The following STK32C variants were observed in gnomAD, a reference collection of about 807,000 sequenced individuals.
STK32C encodes the protein serine/threonine-protein kinase 32C.
A neutral mutation model predicts 56.5 loss-of-function variants in STK32C; 31 were observed. The observed-to-expected ratio is 0.55, with a 90% CI of 0.41 to 0.74. STK32C has a LOEUF of 0.74. Ranked by LOEUF, STK32C falls within the 30% of genes least tolerant of loss-of-function variation. The pLI is 0.00. For synonymous variants in STK32C, 309 were observed against 289.4 expected (o/e 1.07, Z -0.69); for missense variants, 544 against 676.9 (o/e 0.80, Z 2.18).
chr10:132,242,013 G>A (rs1426349484), intron 2 of STK32C, among the ~76,000 whole-genome samples: 1 of 152,094 alleles, frequency 6.6e-6, no homozygotes, highest in Non-Finnish European at 1.5e-5. Context: ...AGGAGGCTGA[G>A]GAATGAGAAT....
chr10:132,271,643 G>A (rs372101167), intron 1 of STK32C, among the ~76,000 whole-genome samples: 14 of 152,202 alleles, frequency 9.2e-5, no homozygotes, highest in African/African-American at 2.4e-4. Context: ...CTGCAACCAC[G>A]GATCCAGCCC....
chr10:132,250,665 C>T (rs894674570), intron 1 of STK32C, among the ~76,000 whole-genome samples: 1 of 147,042 alleles, frequency 6.8e-6, no homozygotes, highest in East Asian at 2.1e-4. Flanking sequence ...AGAGGGGCCC[C>T]GCCCCGAGTG....
chr10:132,287,653 A>T (rs545185179), intron 1 of STK32C, among the ~76,000 whole-genome samples: 2 of 151,566 alleles, frequency 1.3e-5, no homozygotes. Context: ...GGGTTTCACC[A>T]TGTTGGCCAG....
At chr10:132,289,251 G>T (rs1299348083) in intron 1 of STK32C, among the ~76,000 whole-genome samples, 1 of 152,150 alleles carries the variant, frequency 6.6e-6, no homozygotes, top group Non-Finnish European at 1.5e-5. Context: ...ATTTCACACT[G>T]TGCACAAAAA....
chr10:132,245,817 G>A, intron 2 of STK32C, 83 bp downstream of exon 2: 1 of 1,392,260 alleles, frequency 7.2e-7, no homozygotes, highest in South Asian at 1.2e-5. Flanking sequence ...ATGGGAGTAG[G>A]TGGGCTCAGG....
rs1037227178 is a variant in STK32C, at chr10:132,307,739, G to A, written c.95C>T (p.Pro32Leu). 9.0e-7 allele frequency: 1 copy of A among 1,116,728 alleles called. No homozygotes were observed. The highest frequency in any genetic ancestry group is 1.6e-5 in the African/African-American group (1 of 60,700). 69.2% of individuals were successfully genotyped at this position (1,116,728 alleles called of 1,614,324 possible). Residue 32 changes from proline to leucine, a missense_variant, in exon 1 of 12, where the codon CCC (proline) becomes CTC (leucine). Transcript: ENST00000298630. The surrounding 1 kb of genome is among the most constrained non-coding windows in gnomAD (Gnocchi z 4.4). ...AGCAGCGGGCGGCGGCAGGGCCGAGGGCGCGTCGGAGCCGGCGGGGCGCGC... is the reference window on the plus strand; with the variant it reads ...AGCAGCGGGCGGCGGCAGGGCCGAGAGCGCGTCGGAGCCGGCGGGGCGCGC... Reference protein sequence around the residue: ...GRARPAGSDAPSALPPPAAGQ... With the variant: ...GRARPAGSDALSALPPPAAGQ...
At position 132,249,212 on chromosome 10, in the gene STK32C, G is replaced by C. The variant is rs2063808033; in HGVS notation, c.263-3257C>G. The C allele has an allele frequency of 3.6e-4, 133 of 364,654 alleles. 1 individual carries two copies. The highest frequency in any genetic ancestry group is 2.5e-3 in the South Asian group (124 of 50,070). 22.6% of individuals were successfully genotyped at this position (364,654 alleles called of 1,614,324 possible). ...GTGTCAGGGGCGGGGCCGTGGGGTT[G>C]CGGGAGTGCTGGGAGTGGGGCTGAG... On this transcript the variant is annotated intron_variant, in intron 1 of 11. Coordinates refer to ENST00000298630, the MANE Select transcript of STK32C (RefSeq NM_173575.4).
Position 132,214,066 on chromosome 10 carries a change from CAGG to C in STK32C, c.1252-4968_1252-4966del, listed in dbSNP as rs1284120327. Among the ~76,000 whole-genome samples the C allele has an allele frequency of 4.6e-5, 7 of 151,910 alleles. No individual in the cohort carries two copies. The East Asian group carries it at 9.7e-4, about 21-fold the overall frequency. ...CACACACGCATAATTGGATTTCCAG[CAGG>C]AGAAGAGAAAGAGAACAGAATATTT... is the stretch of plus-strand genomic sequence containing the variant. On this transcript the variant is annotated intron_variant, in intron 10 of 11. Transcript: ENST00000298630.
intron 1 of STK32C, among the ~76,000 whole-genome samples, chr10:132,266,821 C>A (rs1175337628): frequency 2.0e-5 from 3 of 151,758 alleles, no homozygotes; most frequent in African/African-American, 7.3e-5. Flanking sequence ...CGGGGGGACT[C>A]CAAGGAGAGC....
upstream of STK32C, chr10:132,332,097 G>T: frequency 4.4e-6 from 1 of 226,320 alleles, no homozygotes. Flanking sequence ...CACACCCCTC[G>T]CGCAGGCGCA....
chr10:132,319,371 T>C (rs780759363), downstream of STK32C, among the ~76,000 whole-genome samples: 7 of 152,214 alleles, frequency 4.6e-5, no homozygotes, highest in African/African-American at 7.2e-5. Flanking sequence ...GACTTAAAGA[T>C]AGGTGCATGA....
intron 2 of STK32C, among the ~76,000 whole-genome samples, chr10:132,233,337 A>AC (rs1227560383): frequency 2.0e-5 from 3 of 151,950 alleles, no homozygotes; most frequent in African/African-American, 7.3e-5. Context: ...CCCTCCTGAG[A>AC]CCCCCCTGAA....
chr10:132,209,501 G>A (rs1670574505), intron 10 of STK32C: 1 of 356,676 alleles, frequency 2.8e-6, no homozygotes, highest in Admixed American at 3.9e-5. Flanking sequence ...CCTGCTTCTG[G>A]GGCCCTGCCC....
Position 132,307,361 on chromosome 10 carries a change from C to CA in STK32C, c.262+210_262+211insT. 4.3e-6 allele frequency: 2 copies of CA among 463,132 alleles called. No homozygotes were observed. Among genetic ancestry groups the CA allele is most frequent in the Non-Finnish European group, 7.2e-6 (2 of 278,114 alleles). 28.7% of individuals were successfully genotyped at this position (463,132 alleles called of 1,614,324 possible). On this transcript the variant is annotated intron_variant, in intron 1 of 11. Coordinates refer to ENST00000298630, the MANE Select transcript of STK32C (RefSeq NM_173575.4). The surrounding 1 kb of genome is among the most constrained non-coding windows in gnomAD (Gnocchi z 4.4). ...AGGGCCCGGGCCCAGCCTGCTCCTC[C>CA]TGCGGCGCCGCCACTAGAAACGGAG...
chr10:132,328,402 A>C (rs1424625744), intron 1 of STK32C, among the ~76,000 whole-genome samples: 2 of 152,128 alleles, frequency 1.3e-5, no homozygotes, highest in African/African-American at 4.8e-5. Context: ...TCAAGCTCTG[A>C]TCTTGGGTTT....
chr10:132,331,837 C>G (rs964298909), upstream of STK32C: 30 of 1,495,940 alleles, frequency 2.0e-5, no homozygotes, highest in Non-Finnish European at 2.2e-5. Flanking sequence ...GCCGCGGGCG[C>G]GGAAAAACGG....
chr10:132,227,438 G>A (rs1252995661), intron 3 of STK32C, among the ~76,000 whole-genome samples: 1 of 152,176 alleles, frequency 6.6e-6, no homozygotes, highest in Non-Finnish European at 1.5e-5. Context: ...TGGTGGTGAC[G>A]GTGATGGTGA....
chr10:132,325,307 C>CT (rs2066474823), intron 1 of STK32C, among the ~76,000 whole-genome samples: 1 of 152,106 alleles, frequency 6.6e-6, no homozygotes, highest in South Asian at 2.1e-4. Context: ...AATCCCAGCA[C>CT]TTTGAGAAGC....
At chr10:132,296,237 G>T (rs183070966) in intron 1 of STK32C, among the ~76,000 whole-genome samples, 1 of 151,928 alleles carries the variant, frequency 6.6e-6, no homozygotes, top group East Asian at 1.9e-4. Context: ...GTCATAAAAA[G>T]CAAGTTTGAG....
Sources: allele counts gnomAD v4.1 joint callset (sites outside exome capture counted in the v4.1 genomes callset), GRCh38; gene constraint gnomAD v4.1.1; non-coding constraint Gnocchi (gnomAD v3.1); transcripts MANE v1.5; gene names NCBI Gene and HGNC (gene_info 2026-07-23, HGNC 2026-07-21).